The following GTPBP6 variants were observed in gnomAD, a reference collection of about 807,000 sequenced individuals.
The protein encoded by GTPBP6 is GTP binding protein 6.
A neutral mutation model predicts 28.9 loss-of-function variants in GTPBP6; 33 were observed. That is an observed-to-expected ratio of 1.14 (90% CI 0.87 to 1.53). The LOEUF is 1.53. GTPBP6 is among the 40% of genes most tolerant of loss of function. The probability of loss-of-function intolerance (pLI) is 0.00; values close to 1 mark genes in which losing one functional copy is unlikely to be tolerated. For synonymous variants in GTPBP6, 231 were observed against 192.7 expected, an observed-to-expected ratio of 1.20 and a Z score of -1.65; for missense variants, 507 against 408.3, an observed-to-expected ratio of 1.24 and a Z score of -2.08.
intron 7 of GTPBP6, among the ~76,000 whole-genome samples, chrX:308,840 T>C (rs2070227036): frequency 6.6e-6 from 1 of 150,668 alleles, no homozygotes; most frequent in African/African-American, 2.5e-5. Flanking sequence ...GTTCAGCCAT[T>C]CTCCTGCCTC....
At chrX:310,556 G>A (rs2070264961) in intron 7 of GTPBP6, among the ~76,000 whole-genome samples, 1 of 137,106 alleles carries the variant, frequency 7.3e-6, no homozygotes, top group African/African-American at 3.1e-5. Context: ...GATCTGAAAT[G>A]AGATCATCCT....
intron 3 of GTPBP6, 100 bp from the exon 4 acceptor site, chrX:315,120 G>T: frequency 2.5e-6 from 1 of 398,724 alleles, no homozygotes; most frequent in Non-Finnish European, 4.4e-6. Context: ...TAACCCCACC[G>T]TGTCCCCATC....
At chrX:314,766 G>A (rs1483700164) in intron 4 of GTPBP6, 124 bp downstream of exon 4, 170 of 412,358 alleles carry the variant, frequency 4.1e-4, no homozygotes, top group African/African-American at 6.3e-4. Context: ...GTGAGCCACC[G>A]CGCCCGGCCC....
At chrX:311,743 C>A in intron 6 of GTPBP6, 116 bp from the exon 7 acceptor site, 4 of 827,620 alleles carry the variant, frequency 4.8e-6, no homozygotes, top group Non-Finnish European at 8.0e-6. Flanking sequence ...GCACCCCGGG[C>A]TACACGGTCC....
chrX:305,249 C>T, intron 9 of GTPBP6, 52 bp from the exon 10 acceptor site: 1 of 1,348,792 alleles, frequency 7.4e-7, no homozygotes, highest in Non-Finnish European at 1.1e-6. Flanking sequence ...TAAGTATTTG[C>T]TTAGTTTCAT....
chrX:314,712 G>A (rs1375844400), intron 4 of GTPBP6, among the ~76,000 whole-genome samples, 178 bp downstream of exon 4: 38 of 151,982 alleles, frequency 2.5e-4, no homozygotes, highest in African/African-American at 5.3e-4. Flanking sequence ...TCGTGACCTC[G>A]TGATCCGCCC....
rs765077359 is a variant in GTPBP6, at chrX:307,477, GAC to G, written c.1308_1309del (p.Ser437CysfsTer13). On this transcript the variant is annotated frameshift_variant, in exon 9 of 10. Transcript: ENST00000326153. LOFTEE classifies it high-confidence loss of function. ...CTGGAGCCCGTGGCCCCGCAGGGCA[GAC>G]ACGGGCACGACGTTCGGTTCCGTGG... is the stretch of plus-strand genomic sequence containing the variant. 1 of 1,611,080 alleles carries G rather than the reference GAC, an allele frequency of 6.2e-7. No individual in the cohort carries two copies. Among genetic ancestry groups the G allele is most frequent in the Non-Finnish European group, 8.5e-7 (1 of 1,179,232 alleles).
At chrX:314,837 G>C (rs1438696442) in intron 4 of GTPBP6, 53 bp downstream of exon 4, 24 of 400,420 alleles carry the variant, frequency 6.0e-5, no homozygotes, top group Non-Finnish European at 9.2e-5. Context: ...ACAGAACGGA[G>C]GGGTTCCGGG....
Position 307,704 on chromosome X carries a change from CGCTT to C in GTPBP6, c.1274+24_1274+27del, listed in dbSNP as rs1375946220. ...CTCCAGCGCGTGCAGGGGAAGGAGA[CGCTT>C]GCGGACCCCAGGGCCGGACTCACCC... On this transcript the variant is annotated intron_variant, in intron 8 of 9. Coordinates refer to ENST00000326153, the Ensembl canonical transcript of GTPBP6. 2.6e-5 allele frequency: 38 copies of C among 1,459,854 alleles called. No individual in the cohort carries two copies. The East Asian group carries it at 2.7e-4, about 10-fold the overall frequency. 90.4% of individuals were successfully genotyped at this position (1,459,854 alleles called of 1,614,324 possible). A position where few individuals can be genotyped will look rare whatever the true frequency, so the allele number is the denominator to read the frequency against.
At chrX:317,569 T>TGGGGGGGGGGGG (rs1187572118) in intron 1 of GTPBP6, among the ~76,000 whole-genome samples, 4 of 117,546 alleles carry the variant, frequency 3.4e-5, no homozygotes, top group African/African-American at 9.6e-5. Flanking sequence ...GGGTGGGGGG[T>TGGGGGGGGGGGG]GGGACTAGAC....
exon 7 of GTPBP6, chrX:311,441 G>A (rs774058992): frequency 6.9e-7 from 1 of 1,456,164 alleles, no homozygotes; most frequent in South Asian, 1.3e-5. Context: ...GTCTTCCAGG[G>A]TGGCGGAGAA....
intron 1 of GTPBP6, among the ~76,000 whole-genome samples, chrX:317,268 C>T (rs1172090468): frequency 6.6e-6 from 1 of 152,068 alleles, no homozygotes; most frequent in East Asian, 1.9e-4. Flanking sequence ...ACGAGGGCGA[C>T]CCTGCCTTAC....
intron 2 of GTPBP6, among the ~76,000 whole-genome samples, chrX:316,500 C>G (rs1383353727): frequency 6.6e-6 from 1 of 152,140 alleles, no homozygotes; most frequent in Non-Finnish European, 1.5e-5. Flanking sequence ...CTACTGGAAG[C>G]GGGATGGTCA....
exon 4 of GTPBP6, chrX:314,946 G>C (rs1481670426): frequency 2.5e-6 from 1 of 398,636 alleles, no homozygotes; most frequent in Admixed American, 4.4e-5. Flanking sequence ...TCGTGCGGGC[G>C]TTACAGCGGA....
At chrX:313,132 C>G (rs1313308859) in intron 5 of GTPBP6, among the ~76,000 whole-genome samples, 2 of 152,234 alleles carry the variant, frequency 1.3e-5, no homozygotes, top group South Asian at 2.1e-4. Flanking sequence ...CTCCGGGTGT[C>G]CACCCTGTGA....
chrX:311,770 C>T lies in GTPBP6; in HGVS notation c.917-143G>A, dbSNP rs187831135. 4,705 of 700,014 alleles carry T rather than the reference C, an allele frequency of 6.7e-3. 141 individuals carry two copies. In the African/African-American group the frequency reaches 0.075, roughly 11 times the overall value. The allele number at this position is 700,014 out of a possible 1,614,324, so 43.4% of individuals were successfully genotyped here. A position where few individuals can be genotyped will look rare whatever the true frequency, so the allele number is the denominator to read the frequency against. ...ACACGGTCCCTGAGCTCCTCGGGCA[C>T]CCCGGGCCAGACCCGACGCGTGGGA... On this transcript the variant is annotated intron_variant, in intron 6 of 9. Transcript: ENST00000326153.
chrX:315,482 G>C (rs1172043143), intron 2 of GTPBP6, among the ~76,000 whole-genome samples, 183 bp from the exon 3 acceptor site: 26 of 151,660 alleles, frequency 1.7e-4, no homozygotes, highest in African/African-American at 5.1e-4. Flanking sequence ...CTCTAGGAGT[G>C]TGTGTCTCAA....
At chrX:318,177 G>T (rs1176598629) in intron 1 of GTPBP6, among the ~76,000 whole-genome samples, 1 of 147,048 alleles carries the variant, frequency 6.8e-6, no homozygotes, top group Admixed American at 6.7e-5. Flanking sequence ...CCTCCCCAGA[G>T]CCCCGCCCTT....
chrX:314,260 C>T lies in GTPBP6; in HGVS notation c.690-43G>A, dbSNP rs780736368. 5.9e-6 allele frequency: 9 copies of T among 1,518,504 alleles called. No individual in the cohort carries two copies. The African/African-American group carries it at 9.6e-5, about 16-fold the overall frequency. 94.1% of individuals were successfully genotyped at this position (1,518,504 alleles called of 1,614,324 possible). ...GTGGCTCGGTCTCTGCGGACGCTGT[C>T]TCCCTCCCGGCAGAGGTCGAGGTGA... On this transcript the variant is annotated intron_variant, in intron 4 of 9. Transcript: ENST00000326153.
Sources: gnomAD v4.1 joint callset for allele counts (sites outside exome capture counted in the v4.1 genomes callset) on GRCh38, gnomAD v4.1.1 for gene constraint, MANE v1.5 for transcripts, NCBI Gene and HGNC (gene_info 2026-07-23, HGNC 2026-07-21) for gene names.